Variants in CSGALNACT2 observed in about 807,000 individuals in gnomAD.
The protein encoded by CSGALNACT2 is chondroitin sulfate N-acetylgalactosaminyltransferase 2.
CSGALNACT2 carries 35 observed loss-of-function variants against 55.3 expected under a neutral mutation model. That is an observed-to-expected ratio of 0.63 (90% CI 0.48 to 0.84). CSGALNACT2 has a LOEUF of 0.84. Ranked by LOEUF, CSGALNACT2 falls within the 40% of genes least tolerant of loss-of-function variation. The pLI is 0.00. For missense variants in CSGALNACT2, 544 were observed against 657.5 expected (o/e 0.83, Z 1.89); for synonymous variants, 196 against 224.9 (o/e 0.87, Z 1.15).
chr10:43,181,120 G>C (rs911549234), intron 7 of CSGALNACT2, among the ~76,000 whole-genome samples: 9 of 152,192 alleles, frequency 5.9e-5, no homozygotes, highest in Non-Finnish European at 1.5e-5. Flanking sequence ...ACATGAGTAT[G>C]GGGGTCCCAA....
At position 43,155,026 on chromosome 10, in the gene CSGALNACT2, C is replaced by T. The variant is rs1012815587; in HGVS notation, c.-124C>T. On this transcript the variant is annotated 5_prime_UTR_variant, in exon 2 of 8. Coordinates refer to ENST00000374466, the MANE Select transcript of CSGALNACT2 (RefSeq NM_018590.5). ...GTCATGACTGCTGAAGAAAGAAAAACTTAAAGCTACGGCAGAATTATTTTA... is the reference window on the plus strand; with the variant it reads ...GTCATGACTGCTGAAGAAAGAAAAATTTAAAGCTACGGCAGAATTATTTTA... 1.2e-6 allele frequency: 1 copy of T among 817,928 alleles called. No individual in the cohort carries two copies. Among genetic ancestry groups the T allele is most frequent in the African/African-American group, 1.7e-5 (1 of 57,678 alleles). The allele number at this position is 817,928 out of a possible 1,614,324, so 50.7% of individuals were successfully genotyped here. A position where few individuals can be genotyped will look rare whatever the true frequency, so the allele number is the denominator to read the frequency against.
At chr10:43,180,223 T>C (rs2435383) in intron 7 of CSGALNACT2, among the ~76,000 whole-genome samples, 127,814 of 152,270 alleles carry the variant, frequency 0.84, 54,305 homozygotes, top group African/African-American at 0.95. Flanking sequence ...GTTTCCTTTC[T>C]TCCTGGTATT....
intron 6 of CSGALNACT2, among the ~76,000 whole-genome samples, chr10:43,173,759 G>A (rs1303026433): frequency 6.6e-6 from 1 of 152,118 alleles, no homozygotes; most frequent in Non-Finnish European, 1.5e-5. Flanking sequence ...TTGGGATGCC[G>A]AGGTGGGTGG....
In CSGALNACT2 at chr10:43,184,962, ATTAT is replaced by A. The variant is rs773090383; in HGVS notation, c.*1422_*1425del. 2 of 152,126 alleles carry A rather than the reference ATTAT, an allele frequency of 1.3e-5. No individual in the cohort carries two copies. Among genetic ancestry groups the A allele is most frequent in the Non-Finnish European group, 2.9e-5 (2 of 68,008 alleles). 9.4% of individuals were successfully genotyped at this position (152,126 alleles called of 1,614,324 possible). On this transcript the variant is annotated 3_prime_UTR_variant, in exon 8 of 8. Coordinates refer to ENST00000374466, the MANE Select transcript of CSGALNACT2 (RefSeq NM_018590.5). ...TCAATATTACAATAACTCTTACCTAATTATTCTTACAAGTTTTAAGTTGTGGTAG... is the reference window on the plus strand; with the variant it reads ...TCAATATTACAATAACTCTTACCTAATCTTACAAGTTTTAAGTTGTGGTAG...
chr10:43,149,819 G>C (rs1034873024), intron 1 of CSGALNACT2, among the ~76,000 whole-genome samples: 1 of 152,144 alleles, frequency 6.6e-6, no homozygotes, highest in Non-Finnish European at 1.5e-5. Context: ...TGTGATCCCA[G>C]CACTTTTCGA....
intron 2 of CSGALNACT2, among the ~76,000 whole-genome samples, chr10:43,157,355 C>G (rs2133116078): frequency 6.6e-6 from 1 of 152,310 alleles, no homozygotes; most frequent in Middle Eastern, 3.4e-3. Context: ...CTAAATGGAA[C>G]ATATTCTGTT....
chr10:43,185,148 G>A lies in CSGALNACT2; in HGVS notation c.*1606G>A, dbSNP rs1184613666. 1 of 152,084 alleles carries A rather than the reference G, an allele frequency of 6.6e-6. No individual in the cohort carries two copies. Among genetic ancestry groups the A allele is most frequent in the Non-Finnish European group, 1.5e-5 (1 of 67,998 alleles). 9.4% of individuals were successfully genotyped at this position (152,084 alleles called of 1,614,324 possible). A position where few individuals can be genotyped will look rare whatever the true frequency, so the allele number is the denominator to read the frequency against. Reference sequence around the variant, plus strand: ...TAATTATTTGCAAAGGTAAGTTACAGCTTGTTTTTTGAGAGAATCAAATGA... The same window carrying A: ...TAATTATTTGCAAAGGTAAGTTACAACTTGTTTTTTGAGAGAATCAAATGA... On this transcript the variant is annotated 3_prime_UTR_variant, in exon 8 of 8. Coordinates refer to ENST00000374466, the MANE Select transcript of CSGALNACT2 (RefSeq NM_018590.5).
chr10:43,160,740 C>G, intron 4 of CSGALNACT2, 145 bp downstream of exon 4: 4 of 622,820 alleles, frequency 6.4e-6, no homozygotes, highest in Non-Finnish European at 1.1e-5. Flanking sequence ...TGATAAGTTC[C>G]TCATTTCACA....
intron 6 of CSGALNACT2, among the ~76,000 whole-genome samples, chr10:43,174,677 A>T (rs1480296512): frequency 6.6e-6 from 1 of 152,204 alleles, no homozygotes; most frequent in Non-Finnish European, 1.5e-5. Flanking sequence ...CTTTTGGTAC[A>T]TACCACAGTA....
Position 43,183,323 on chromosome 10 carries a change from C to T in CSGALNACT2, c.1410C>T (p.Asp470=), listed in dbSNP as rs148593377. The T allele has an allele frequency of 9.9e-6, 16 of 1,613,710 alleles. No homozygotes were observed. ...VHLYRKYLHG[D]LIVIRTPVPG... ...TTTATCGAAAATACTTACATGGTGA[C>T]CTCATTGTGATTCGGACTCCGGTTC... The change falls in exon 8 of 8, where the codon GAC becomes GAT. Residue 470 remains aspartate (D), a synonymous_variant. Coordinates refer to ENST00000374466, the MANE Select transcript of CSGALNACT2 (RefSeq NM_018590.5).
chr10:43,150,108 T>A (rs1838844377), intron 1 of CSGALNACT2, among the ~76,000 whole-genome samples: 1 of 152,216 alleles, frequency 6.6e-6, no homozygotes, highest in Non-Finnish European at 1.5e-5. Flanking sequence ...TTTGGTACAT[T>A]CCACCAGTGA....
At chr10:43,141,363 G>A (rs1275377606) in intron 1 of CSGALNACT2, among the ~76,000 whole-genome samples, 1 of 150,710 alleles carries the variant, frequency 6.6e-6, no homozygotes, top group African/African-American at 2.5e-5. Flanking sequence ...GACTACAGGC[G>A]CCCGCCACCA....
chr10:43,138,481 T>TGAGGCGGCGGCGGGCCC lies in CSGALNACT2; in HGVS notation c.-339_-323dup, dbSNP rs1305653843. The TGAGGCGGCGGCGGGCCC allele has an allele frequency of 1.4e-4, 21 of 150,838 alleles. No individual in the cohort carries two copies. The allele number at this position is 150,838 out of a possible 1,614,324, so 9.3% of individuals were successfully genotyped here. A position where few individuals can be genotyped will look rare whatever the true frequency, so the allele number is the denominator to read the frequency against. On this transcript the variant is annotated 5_prime_UTR_variant, in exon 1 of 8. Coordinates refer to ENST00000374466, the MANE Select transcript of CSGALNACT2 (RefSeq NM_018590.5). Reference sequence around the variant, plus strand: ...GGCGGCGCGCCCGGGGGTGGGTGGCTGAGGCGGCGGCGGGCCCAAGGCGTG... The same window carrying TGAGGCGGCGGCGGGCCC: ...GGCGGCGCGCCCGGGGGTGGGTGGCTGAGGCGGCGGCGGGCCCGAGGCGGCGGCGGGCCCAAGGCGTG...
At chr10:43,144,586 A>G (rs1182122584) in intron 1 of CSGALNACT2, among the ~76,000 whole-genome samples, 1 of 152,066 alleles carries the variant, frequency 6.6e-6, no homozygotes, top group Non-Finnish European at 1.5e-5. Flanking sequence ...TTGTTGTTTT[A>G]CAAATGCCTT....
chr10:43,150,505 T>C (rs1838854239), intron 1 of CSGALNACT2, among the ~76,000 whole-genome samples: 1 of 152,236 alleles, frequency 6.6e-6, no homozygotes, highest in Non-Finnish European at 1.5e-5. Context: ...AATTGTAGGC[T>C]GGCATATTTT....
rs554300760 is a variant in CSGALNACT2 at position 43,141,912 on chromosome 10, G to A, written c.-254+3345G>A. Among the ~76,000 whole-genome samples the A allele has an allele frequency of 7.2e-5, 11 of 152,266 alleles. No individual in the cohort carries two copies. The South Asian group carries it at 1.2e-3, about 17-fold the overall frequency. On this transcript the variant is annotated intron_variant, in intron 1 of 7. Transcript: ENST00000374466. ...GTTTCTTTGTCTGTACAGTGGGGAC[G>A]AACAAGAAGTATGCCTTTTCTGAGA...
intron 1 of CSGALNACT2, among the ~76,000 whole-genome samples, chr10:43,151,140 C>G (rs1838865841): frequency 6.6e-6 from 1 of 152,070 alleles, no homozygotes; most frequent in Non-Finnish European, 1.5e-5. Flanking sequence ...TGTCCTTTTT[C>G]TGCAGATTCC....
At chr10:43,157,252 TA>T (rs1769109110) in intron 2 of CSGALNACT2, among the ~76,000 whole-genome samples, 1 of 152,188 alleles carries the variant, frequency 6.6e-6, no homozygotes, top group Non-Finnish European at 1.5e-5. Flanking sequence ...CAGCTCTACC[TA>T]AAAAGAAAGG....
At chr10:43,180,189 T>C (rs1195202829) in intron 7 of CSGALNACT2, among the ~76,000 whole-genome samples, 1 of 152,232 alleles carries the variant, frequency 6.6e-6, no homozygotes. Flanking sequence ...ACTTAGACTC[T>C]TTATTTGGAG....
Sources: allele counts gnomAD v4.1 joint callset (sites outside exome capture counted in the v4.1 genomes callset), GRCh38; gene constraint gnomAD v4.1.1; transcripts MANE v1.5; gene names NCBI Gene and HGNC (gene_info 2026-07-23, HGNC 2026-07-21).